CAPN13: variants seen among roughly 807,000 people sequenced by gnomAD.
The protein encoded by CAPN13 is calpain 13.
A neutral mutation model predicts 98.4 loss-of-function variants in CAPN13; 90 were observed. The observed-to-expected ratio is 0.92, with a 90% confidence interval of 0.77 to 1.09. CAPN13 has a LOEUF of 1.09. Among genes scored for constraint, CAPN13 ranks in the 50% least tolerant of loss-of-function variants. The probability of loss-of-function intolerance (pLI) is 0.00; values close to 1 mark genes in which losing one functional copy is unlikely to be tolerated. For missense variants in CAPN13, 887 were observed against 841.3 expected (o/e 1.05, Z -0.67); for synonymous variants, 330 against 305.5 (o/e 1.08, Z -0.84).
At chr2:30,763,990 G>T in intron 6 of CAPN13, 142 bp downstream of exon 6, 1 of 781,222 alleles carries the variant, frequency 1.3e-6, no homozygotes, top group South Asian at 1.8e-5. Flanking sequence ...GGGTTCAATG[G>T]GGTGACCCGG....
intron 5 of CAPN13, among the ~76,000 whole-genome samples, chr2:30,767,296 G>A (rs1673161240): frequency 6.6e-6 from 1 of 152,168 alleles, no homozygotes; most frequent in Non-Finnish European, 1.5e-5. Context: ...TTTGGATAGT[G>A]AGGGGTGGGG....
At chr2:30,760,378 T>C (rs1414423485) in intron 7 of CAPN13, among the ~76,000 whole-genome samples, 1 of 152,210 alleles carries the variant, frequency 6.6e-6, no homozygotes, top group Admixed American at 6.5e-5. Flanking sequence ...TCACTTGGTG[T>C]CCCAAACAGC....
chr2:30,744,395 G>A (rs1220574258), intron 12 of CAPN13, among the ~76,000 whole-genome samples: 1 of 152,212 alleles, frequency 6.6e-6, no homozygotes, highest in African/African-American at 2.4e-5. Context: ...CGATTCTGCT[G>A]ACATTAACAA....
chr2:30,800,098 G>GAAAGAAAGAAAAGAAAGA (rs1319698444), intron 1 of CAPN13, among the ~76,000 whole-genome samples: 13 of 100,568 alleles, frequency 1.3e-4, no homozygotes, highest in African/African-American at 4.9e-4. Flanking sequence ...AGAAAGAAAA[G>GAAAGAAAGAAAAGAAAGA]AAAGAAAGAA....
Position 30,731,379 on chromosome 2 carries a change from T to G in CAPN13, c.1948A>C (p.Lys650Gln). 1 of 1,611,006 alleles carries G rather than the reference T, an allele frequency of 6.2e-7. No homozygotes were observed. Among genetic ancestry groups the G allele is most frequent in the Non-Finnish European group, 8.5e-7 (1 of 1,178,544 alleles). ...GTCAGGTAGAGTCCTTTTCCATCCTTAGAGAGGTTGCGGAAGGTCTCTAGG... is the reference window on the plus strand; with the variant it reads ...GTCAGGTAGAGTCCTTTTCCATCCTGAGAGAGGTTGCGGAAGGTCTCTAGG... ...AMAKTFRNLS[K>Q]DGKGLYLTEM... Residue 650 changes from lysine to glutamine, a missense_variant, in exon 21 of 23, where the codon AAG (lysine) becomes CAG (glutamine). Physicochemically the swap from Lys to Gln is moderately conservative, Grantham distance 53. Transcript: ENST00000295055.
chr2:30,788,014 G>A (rs753173818), intron 1 of CAPN13, among the ~76,000 whole-genome samples: 1 of 152,182 alleles, frequency 6.6e-6, no homozygotes, highest in Non-Finnish European at 1.5e-5. Flanking sequence ...CAGTGGTAGA[G>A]CATCAGAAGG....
At chr2:30,772,468 G>A (rs566880404) in intron 4 of CAPN13, among the ~76,000 whole-genome samples, 3 of 152,292 alleles carry the variant, frequency 2.0e-5, no homozygotes, top group South Asian at 2.1e-4. Flanking sequence ...AGGGCAAAGC[G>A]AGTCCTGCCT....
chr2:30,797,282 C>T (rs1674934919), intron 1 of CAPN13, among the ~76,000 whole-genome samples: 1 of 152,128 alleles, frequency 6.6e-6, no homozygotes, highest in Non-Finnish European at 1.5e-5. Context: ...CCCTAAGTTT[C>T]CCTACCGCCA....
intron 1 of CAPN13, 53 bp from the exon 2 acceptor site, chr2:30,787,410 T>A (rs972666994): frequency 4.4e-6 from 6 of 1,371,252 alleles, no homozygotes; most frequent in Non-Finnish European, 4.9e-6. Context: ...GTCCTTTGCA[T>A]CATCAAATGT....
chr2:30,805,771 G>C (rs1675586865), intron 1 of CAPN13, among the ~76,000 whole-genome samples: 1 of 90,808 alleles, frequency 1.1e-5, no homozygotes, highest in Non-Finnish European at 2.3e-5. Flanking sequence ...ACAGGGTCTT[G>C]CTCTGTCACT....
chr2:30,749,750 G>A (rs7594835), intron 11 of CAPN13, among the ~76,000 whole-genome samples: 1 of 124,310 alleles, frequency 8.0e-6, no homozygotes, highest in African/African-American at 3.6e-5. Context: ...GAGGAGAGAG[G>A]ATCCCAGCGT....
At chr2:30,799,893 G>A (rs1013566875) in intron 1 of CAPN13, among the ~76,000 whole-genome samples, 1 of 152,014 alleles carries the variant, frequency 6.6e-6, no homozygotes, top group Non-Finnish European at 1.5e-5. Context: ...CTAACACGGT[G>A]AAACCCCGTC....
intron 8 of CAPN13, among the ~76,000 whole-genome samples, chr2:30,754,621 T>C (rs1275300727): frequency 1.3e-5 from 2 of 152,166 alleles, no homozygotes; most frequent in African/African-American, 2.4e-5. Flanking sequence ...GAGAGTCCCA[T>C]AGTGACCTCA....
At chr2:30,776,102 C>A in intron 3 of CAPN13, 57 bp from the exon 4 acceptor site, 2 of 1,189,066 alleles carry the variant, frequency 1.7e-6, no homozygotes, top group Admixed American at 2.0e-5. Context: ...AACCCTCCCC[C>A]ATAATTTCAA....
intron 19 of CAPN13, among the ~76,000 whole-genome samples, chr2:30,733,784 AT>A (rs1162570243): frequency 6.6e-6 from 1 of 152,130 alleles, no homozygotes; most frequent in Non-Finnish European, 1.5e-5. Flanking sequence ...GGGAAATGTG[AT>A]TTTACATTTT....
At chr2:30,802,164 G>T (rs1002952968) in intron 1 of CAPN13, among the ~76,000 whole-genome samples, 2 of 152,086 alleles carry the variant, frequency 1.3e-5, no homozygotes, top group African/African-American at 2.4e-5. Context: ...AGCTCTGGTT[G>T]GGGGGTGGCG....
At chr2:30,800,313 C>G (rs1283602674) in intron 1 of CAPN13, among the ~76,000 whole-genome samples, 1 of 152,214 alleles carries the variant, frequency 6.6e-6, no homozygotes, top group South Asian at 2.1e-4. Flanking sequence ...CAGCTTGGCG[C>G]AAGAGAGGCA....
At chr2:30,800,117 AAAGAAAGAAAGAAAG>A (rs1675130834) in intron 1 of CAPN13, among the ~76,000 whole-genome samples, 1 of 11,418 alleles carries the variant, frequency 8.8e-5, no homozygotes, top group Non-Finnish European at 1.9e-4. Flanking sequence ...AAAAGAAAGA[AAAGAAAGAAAGAAAG>A]AAAGAAAGAA....
At chr2:30,723,801 C>T (rs993952566) in intron 22 of CAPN13, among the ~76,000 whole-genome samples, 1 of 152,214 alleles carries the variant, frequency 6.6e-6, no homozygotes, top group Non-Finnish European at 1.5e-5. Context: ...ACTCTTCTTC[C>T]CTGCCTCCCT....
Sources: gnomAD v4.1 joint callset for allele counts (sites outside exome capture counted in the v4.1 genomes callset) on GRCh38, gnomAD v4.1.1 for gene constraint, MANE v1.5 for transcripts, NCBI Gene and HGNC (gene_info 2026-07-23, HGNC 2026-07-21) for gene names.